The following PHLPP1 variants were observed in gnomAD, a reference collection of about 807,000 sequenced individuals.
PHLPP1 encodes PH domain leucine-rich repeat-containing protein phosphatase 1.
In PHLPP1, 42 loss-of-function variants were observed where a neutral mutation model predicts 117.2. The ratio of observed to expected loss-of-function variants is 0.36; its 90% CI spans 0.28 to 0.46. The LOEUF is 0.46. Ranked by LOEUF, PHLPP1 falls within the 20% of genes least tolerant of loss-of-function variation. The probability of loss-of-function intolerance (pLI) is 1.00; values close to 1 mark genes in which losing one functional copy is unlikely to be tolerated. For synonymous variants in PHLPP1, 1,042 were observed against 970.7 expected, an observed-to-expected ratio of 1.07 and a Z score of -1.37; for missense variants, 2,084 against 2,241.9, an observed-to-expected ratio of 0.93 and a Z score of 1.42.
intron 1 of PHLPP1, among the ~76,000 whole-genome samples, chr18:62,764,220 AC>A: frequency 6.6e-6 from 1 of 152,112 alleles, no homozygotes; most frequent in South Asian, 2.1e-4. Context: ...AAACAAACAA[AC>A]AAAACCATTT....
intron 1 of PHLPP1, among the ~76,000 whole-genome samples, chr18:62,742,101 T>C (rs935989746): frequency 3.3e-5 from 5 of 152,216 alleles, no homozygotes; most frequent in African/African-American, 1.2e-4. Flanking sequence ...AACCATTCCA[T>C]TGAGTTATCA....
intron 1 of PHLPP1, among the ~76,000 whole-genome samples, chr18:62,818,916 C>T (rs1676234080): frequency 6.6e-6 from 1 of 152,112 alleles, no homozygotes; most frequent in African/African-American, 2.4e-5. Context: ...TTCAAGCTAC[C>T]AACATGATGT....
At chr18:62,862,235 C>T (rs561130883) in intron 4 of PHLPP1, among the ~76,000 whole-genome samples, 1 of 152,086 alleles carries the variant, frequency 6.6e-6, no homozygotes, top group African/African-American at 2.4e-5. Context: ...GCTCCCCCAA[C>T]ACCTGGCTAA....
intron 1 of PHLPP1, among the ~76,000 whole-genome samples, chr18:62,717,481 C>CAATGT (rs1171075546): frequency 1.3e-5 from 2 of 152,064 alleles, no homozygotes; most frequent in Admixed American, 1.3e-4. Flanking sequence ...GGTTGGAAAG[C>CAATGT]AATGTGAAAG....
At position 62,975,403 on chromosome 18, in the gene PHLPP1, T is replaced by C; in HGVS notation, c.3762T>C (p.Leu1254=). The change falls in exon 16 of 17, where the codon CTT becomes CTC. Residue 1254 remains leucine, a synonymous_variant. Transcript: ENST00000262719. ...VNTFIVMQRK[L]GTAGQKLGGA... The stretch of plus-strand genomic sequence containing the variant: ...CCCTCTCTTCGGATTCCAGGAAACT[T>C]GGAACTGCTGGGCAGAAGCTTGGTG... 6.2e-7 allele frequency: 1 copy of C among 1,612,306 alleles called. No homozygotes were observed. Among genetic ancestry groups the C allele is most frequent in the Middle Eastern group, 1.8e-4 (1 of 5,612 alleles).
intron 1 of PHLPP1, among the ~76,000 whole-genome samples, chr18:62,780,322 A>G (rs999045585): frequency 1.3e-5 from 2 of 152,214 alleles, no homozygotes; most frequent in African/African-American, 4.8e-5. Context: ...TGATTTAAAA[A>G]TTGGCAGTAT....
intron 1 of PHLPP1, chr18:62,731,229 A>G (rs143651952): frequency 6.6e-6 from 1 of 152,330 alleles, no homozygotes. Flanking sequence ...TTTTAAAAAA[A>G]ATAGGGAACG....
At chr18:62,766,103 A>ATATATATATATATATATAT (rs1491171718) in intron 1 of PHLPP1, among the ~76,000 whole-genome samples, 1 of 53,376 alleles carries the variant, frequency 1.9e-5, no homozygotes, top group Non-Finnish European at 4.0e-5. Flanking sequence ...ATATATATAT[A>ATATATATATATATATATAT]AAATATATAT....
At chr18:62,933,422 G>A (rs1213123257) in intron 10 of PHLPP1, among the ~76,000 whole-genome samples, 1 of 152,034 alleles carries the variant, frequency 6.6e-6, no homozygotes, top group African/African-American at 2.4e-5. Flanking sequence ...CAGATGCATA[G>A]ATCAAAGGAA....
At chr18:62,732,016 G>A (rs1423779109) in intron 1 of PHLPP1, among the ~76,000 whole-genome samples, 5 of 152,238 alleles carry the variant, frequency 3.3e-5, no homozygotes, top group African/African-American at 7.2e-5. Flanking sequence ...TAATACAAAG[G>A]TGCAAGGTGA....
chr18:62,715,637 C>T lies in PHLPP1; in HGVS notation c.-47C>T. ...ACCTCCGCCTCATCGCCTCCCTCTC[C>T]GCCCGCTGCCTCCGGAGCTGGGGGG... On this transcript the variant is annotated 5_prime_UTR_variant, in exon 1 of 17. Transcript: ENST00000262719. 2 of 1,236,740 alleles carry T rather than the reference C, an allele frequency of 1.6e-6. No homozygotes were observed. Among genetic ancestry groups the T allele is most frequent in the Non-Finnish European group, 2.0e-6 (2 of 984,390 alleles). The allele number at this position is 1,236,740 out of a possible 1,614,324, so 76.6% of individuals were successfully genotyped here.
At chr18:62,835,644 G>A (rs556265790) in intron 2 of PHLPP1, among the ~76,000 whole-genome samples, 1 of 152,166 alleles carries the variant, frequency 6.6e-6, no homozygotes, top group Middle Eastern at 3.4e-3. Context: ...CCTGAATGAA[G>A]TTACTAACAG....
At chr18:62,864,451 C>G (rs1412965517) in intron 4 of PHLPP1, among the ~76,000 whole-genome samples, 1 of 152,178 alleles carries the variant, frequency 6.6e-6, no homozygotes, top group African/African-American at 2.4e-5. Flanking sequence ...CTCTTGTATT[C>G]AAGGTAGAGA....
At chr18:62,915,445 A>C (rs1159272396) in intron 9 of PHLPP1, among the ~76,000 whole-genome samples, 1 of 152,216 alleles carries the variant, frequency 6.6e-6, no homozygotes, top group Non-Finnish European at 1.5e-5. Context: ...CATGAAACCT[A>C]GAAAGAGCAA....
chr18:62,891,630 C>T (rs144398446), intron 4 of PHLPP1, among the ~76,000 whole-genome samples: 1 of 150,584 alleles, frequency 6.6e-6, no homozygotes, highest in Non-Finnish European at 1.5e-5. Flanking sequence ...TGACTCATGC[C>T]TTTAGTTCTA....
intron 1 of PHLPP1, among the ~76,000 whole-genome samples, chr18:62,727,227 CAAAAA>C (rs1213656513): frequency 2.8e-5 from 2 of 70,700 alleles, no homozygotes. Context: ...TACTCTGTCT[CAAAAA>C]AAAAAAAAAA....
At chr18:62,918,429 AATATATAT>A (rs34065978) in intron 9 of PHLPP1, among the ~76,000 whole-genome samples, 1 of 140,458 alleles carries the variant, frequency 7.1e-6, no homozygotes, top group Non-Finnish European at 1.5e-5. Context: ...GTAAAGGATA[AATATATAT>A]ATATATATAT....
intron 1 of PHLPP1, among the ~76,000 whole-genome samples, chr18:62,743,669 T>A (rs1230812215): frequency 6.6e-6 from 1 of 152,212 alleles, no homozygotes; most frequent in Non-Finnish European, 1.5e-5. Flanking sequence ...TGAATTATGA[T>A]CCAAATGTGG....
intron 1 of PHLPP1, among the ~76,000 whole-genome samples, chr18:62,742,241 AAC>A (rs1257406809): frequency 6.6e-6 from 1 of 152,176 alleles, no homozygotes; most frequent in Non-Finnish European, 1.5e-5. Flanking sequence ...CTATAATCTG[AAC>A]ACACAAGAAC....
Sources: allele counts gnomAD v4.1 joint callset (sites outside exome capture counted in the v4.1 genomes callset), GRCh38; gene constraint gnomAD v4.1.1; transcripts MANE v1.5; gene names NCBI Gene and HGNC (gene_info 2026-07-23, HGNC 2026-07-21).